The following EXOC4 variants were observed in gnomAD, a reference collection of about 807,000 sequenced individuals.
EXOC4 encodes the protein SEC8-like 1.
In EXOC4, 71 loss-of-function variants were observed where a neutral mutation model predicts 107.2. The observed-to-expected ratio is 0.66, with a 90% CI of 0.55 to 0.81. The LOEUF is 0.81. Ranked by LOEUF, EXOC4 falls within the 30% of genes least tolerant of loss-of-function variation. EXOC4 has a pLI of 0.00. For missense variants in EXOC4, 1,108 were observed against 1,189.6 expected (o/e 0.93, Z 1.01); for synonymous variants, 456 against 441.2 (o/e 1.03, Z -0.42).
intron 11 of EXOC4, among the ~76,000 whole-genome samples, chr7:133,887,550 G>T (rs1366137295): frequency 6.6e-6 from 1 of 152,144 alleles, no homozygotes; most frequent in African/African-American, 2.4e-5. Flanking sequence ...TAATGCATGA[G>T]TCATGGGGGC....
In EXOC4 at chr7:133,725,377, CTTGT is replaced by C. The variant is rs976617492; in HGVS notation, c.1515-91937_1515-91934del. Among the ~76,000 whole-genome samples the C allele has an allele frequency of 3.0e-4, 45 of 152,098 alleles. 1 individual carries two copies. In the Middle Eastern group the frequency reaches 0.01, roughly 34 times the overall value. On this transcript the variant is annotated intron_variant, in intron 10 of 17. Coordinates refer to ENST00000253861, the MANE Select transcript of EXOC4 (RefSeq NM_021807.4). ...ATATTAGGGTTTACATTTCCTTTTTCTTGTTTGTTTGTTTTGAGATCGAGTTTCA... is the reference window on the plus strand; with the variant it reads ...ATATTAGGGTTTACATTTCCTTTTTCTTGTTTGTTTTGAGATCGAGTTTCA...
At chr7:133,847,875 ATTTTTTTTTTT>A (rs55923568) in intron 11 of EXOC4, among the ~76,000 whole-genome samples, 30 of 85,036 alleles carry the variant, frequency 3.5e-4, no homozygotes, top group South Asian at 7.2e-4. Context: ...TGCCCAGCTA[ATTTTTTTTTTT>A]TTTTTTTTTT....
rs141007508 is a variant in EXOC4, at chr7:133,716,286, T to G, written c.1514+86145T>G. On this transcript the variant is annotated intron_variant, in intron 10 of 17. Transcript: ENST00000253861. ...CATGGGACTCTGTCTTTAAGTGGCT[T>G]TCACTGTGTTGGAGAAAACAAATTG... is the stretch of plus-strand genomic sequence containing the variant. 1.2e-4 allele frequency among the ~76,000 whole-genome samples: 18 copies of G among 152,346 alleles called. No homozygotes were observed. The East Asian group carries it at 1.7e-3, about 15-fold the overall frequency.
chr7:133,765,542 A>C (rs1224558338), intron 10 of EXOC4, among the ~76,000 whole-genome samples: 2 of 152,010 alleles, frequency 1.3e-5, no homozygotes, highest in African/African-American at 4.8e-5. Flanking sequence ...TAAAACCATC[A>C]TAGTTTTTGT....
At chr7:133,380,407 G>A (rs1027260985) in intron 7 of EXOC4, among the ~76,000 whole-genome samples, 3 of 151,710 alleles carry the variant, frequency 2.0e-5, no homozygotes, top group African/African-American at 7.3e-5. Flanking sequence ...GATTTCAGTG[G>A]TTTTTTAATT....
At chr7:133,438,249 A>G (rs932375452) in intron 7 of EXOC4, among the ~76,000 whole-genome samples, 3 of 152,084 alleles carry the variant, frequency 2.0e-5, no homozygotes, top group Non-Finnish European at 4.4e-5. Flanking sequence ...CTCATATGGT[A>G]CCCCTGGCCT....
chr7:133,565,010 C>G (rs1336811628), intron 9 of EXOC4, among the ~76,000 whole-genome samples: 1 of 152,052 alleles, frequency 6.6e-6, no homozygotes, highest in Non-Finnish European at 1.5e-5. Context: ...CGATAGAAAT[C>G]GAATTTGGTG....
intron 9 of EXOC4, among the ~76,000 whole-genome samples, chr7:133,531,281 C>T (rs926047860): frequency 6.6e-6 from 1 of 151,928 alleles, no homozygotes; most frequent in African/African-American, 2.4e-5. Context: ...CCTAAGTTAA[C>T]TCTTGAAACA....
At chr7:134,027,896 G>A (rs1412560645) in intron 17 of EXOC4, among the ~76,000 whole-genome samples, 3 of 152,164 alleles carry the variant, frequency 2.0e-5, no homozygotes, top group Non-Finnish European at 4.4e-5. Flanking sequence ...GAGAGATGGA[G>A]TAACTGGCCA....
chr7:133,615,863 A>G (rs1269774982), intron 9 of EXOC4, among the ~76,000 whole-genome samples: 5 of 152,198 alleles, frequency 3.3e-5, no homozygotes, highest in African/African-American at 4.8e-5. Flanking sequence ...AGAATCACCA[A>G]TCTTTAAAGA....
chr7:133,697,553 A>G (rs1348271474), intron 10 of EXOC4, among the ~76,000 whole-genome samples: 1 of 152,170 alleles, frequency 6.6e-6, no homozygotes, highest in African/African-American at 2.4e-5. Flanking sequence ...TAAAGAAAAA[A>G]ATTATTCTTG....
At chr7:133,484,390 T>A (rs1799227223) in intron 9 of EXOC4, among the ~76,000 whole-genome samples, 1 of 152,136 alleles carries the variant, frequency 6.6e-6, no homozygotes, top group Non-Finnish European at 1.5e-5. Context: ...GTGGTTTTAG[T>A]CTCTGCCGCT....
chr7:133,635,498 C>A (rs17167181), intron 10 of EXOC4, among the ~76,000 whole-genome samples: 11,334 of 152,228 alleles, frequency 0.074, 470 homozygotes, highest in Middle Eastern at 0.12. Context: ...CTTAGAAAAT[C>A]TAAATGCTTG....
intron 11 of EXOC4, among the ~76,000 whole-genome samples, chr7:133,844,706 C>T (rs1798090079): frequency 6.6e-6 from 1 of 152,020 alleles, no homozygotes; most frequent in Non-Finnish European, 1.5e-5. Context: ...AATGGAGTAC[C>T]TACTGCTCAT....
Position 133,817,520 on chromosome 7 carries a change from G to T in EXOC4, c.1710G>T (p.Leu570=). The part of the protein sequence containing the change: ...ILANADTMKV[L]GVQRPLLQST... ...CCAACGCAGACACCATGAAGGTGCT[G>T]GGAGTGCAGCGGCCTCTCCTACAGG... is the stretch of plus-strand genomic sequence containing the variant. Residue 570 remains leucine, a synonymous_variant, in exon 11 of 18, where the codon CTG becomes CTT. Transcript: ENST00000253861. The T allele has an allele frequency of 6.2e-7, 1 of 1,614,020 alleles. No homozygotes were observed. The highest frequency in any genetic ancestry group is 8.5e-7 in the Non-Finnish European group (1 of 1,179,928).
intron 6 of EXOC4, among the ~76,000 whole-genome samples, chr7:133,372,810 T>A (rs1796406800): frequency 6.6e-6 from 1 of 152,258 alleles, no homozygotes; most frequent in Non-Finnish European, 1.5e-5. Context: ...AAACCATATT[T>A]TGAATACCCC....
intron 14 of EXOC4, among the ~76,000 whole-genome samples, chr7:133,968,747 G>A (rs1359534994): frequency 1.3e-5 from 2 of 152,070 alleles, no homozygotes; most frequent in African/African-American, 4.8e-5. Flanking sequence ...TGGGTAACCC[G>A]ACCTTTCTTT....
At chr7:134,073,889 C>A in the EXOC4 span, among the ~76,000 whole-genome samples, 4 of 152,122 alleles carry the variant, frequency 2.6e-5, no homozygotes, top group Admixed American at 1.3e-4. Flanking sequence ...ACTCTTTCCC[C>A]GGGCTCCTTC....
intron 1 of EXOC4, among the ~76,000 whole-genome samples, chr7:133,261,817 G>A (rs1335600816): frequency 6.6e-6 from 1 of 152,106 alleles, no homozygotes; most frequent in Non-Finnish European, 1.5e-5. Flanking sequence ...ACTCTGGCCT[G>A]GGGGATAGGC....
Sources: gnomAD v4.1 joint callset for allele counts (sites outside exome capture counted in the v4.1 genomes callset) on GRCh38, gnomAD v4.1.1 for gene constraint, MANE v1.5 for transcripts, NCBI Gene and HGNC (gene_info 2026-07-23, HGNC 2026-07-21) for gene names.